The following MYO1D variants were observed in gnomAD, a reference collection of about 807,000 sequenced individuals.
The protein encoded by MYO1D is unconventional myosin-Id.
In MYO1D, 83 loss-of-function variants were observed where a neutral mutation model predicts 122.0. The observed-to-expected ratio is 0.68, with a 90% CI of 0.57 to 0.82. The LOEUF (loss-of-function observed/expected upper bound fraction) is 0.82. Ranked by LOEUF, MYO1D falls within the 40% of genes least tolerant of loss-of-function variation. The pLI, the probability that MYO1D is intolerant of heterozygous loss-of-function variation, is 0.00. For synonymous variants in MYO1D, 464 were observed against 446.9 expected (o/e 1.04, Z -0.48); for missense variants, 1,157 against 1,269.5 (o/e 0.91, Z 1.35).
chr17:32,810,336 G>A (rs1387518813), intron 1 of MYO1D, among the ~76,000 whole-genome samples: 2 of 152,172 alleles, frequency 1.3e-5, no homozygotes, highest in Non-Finnish European at 2.9e-5. Flanking sequence ...CTCAGAAAAG[G>A]TACAGATGGT....
chr17:32,556,007 C>CTTA lies in MYO1D; in HGVS notation c.2864+49077_2864+49079dup, dbSNP rs141343328. Among the ~76,000 whole-genome samples, 1,053 of 152,286 alleles carry CTTA rather than the reference C, an allele frequency of 6.9e-3. 12 individuals are homozygous for CTTA. The highest frequency in any genetic ancestry group is 0.024 in the African/African-American group (998 of 41,552). On this transcript the variant is annotated intron_variant, in intron 21 of 21. Coordinates refer to ENST00000318217, the MANE Select transcript of MYO1D (RefSeq NM_015194.3). ...GAGCCCTGCTTATTCCTCCTTAGCACTTATCATATCGAATTATTTTTACTC... is the reference window on the plus strand; with the variant it reads ...GAGCCCTGCTTATTCCTCCTTAGCACTTATTATCATATCGAATTATTTTTACTC...
chr17:32,596,266 A>C (rs919866701), intron 21 of MYO1D, among the ~76,000 whole-genome samples: 4 of 152,248 alleles, frequency 2.6e-5, no homozygotes, highest in African/African-American at 9.6e-5. Flanking sequence ...CAAAGAGAGC[A>C]GTCTGGGAAC....
intron 21 of MYO1D, chr17:32,497,800 A>T (rs935656601): frequency 6.6e-6 from 1 of 152,366 alleles, no homozygotes; most frequent in African/African-American, 2.4e-5. Flanking sequence ...GAATAGCAAG[A>T]AGGAAGGCAG....
intron 21 of MYO1D, among the ~76,000 whole-genome samples, chr17:32,539,549 C>T (rs1200489820): frequency 6.6e-6 from 1 of 152,138 alleles, no homozygotes; most frequent in Non-Finnish European, 1.5e-5. Flanking sequence ...TCTCTTCCAG[C>T]TTCGGGTGGC....
chr17:32,736,320 T>C (rs2089700455), intron 14 of MYO1D, among the ~76,000 whole-genome samples: 1 of 152,178 alleles, frequency 6.6e-6, no homozygotes, highest in Admixed American at 6.5e-5. Flanking sequence ...AGAATGAAAA[T>C]GTCCTTCCCA....
At chr17:32,724,281 T>C (rs946164229) in intron 14 of MYO1D, among the ~76,000 whole-genome samples, 1 of 152,144 alleles carries the variant, frequency 6.6e-6, no homozygotes, top group Non-Finnish European at 1.5e-5. Context: ...AGAATAAGCA[T>C]TGTACAAAAT....
chr17:32,537,918 C>G (rs889983057), intron 21 of MYO1D, among the ~76,000 whole-genome samples: 6 of 152,150 alleles, frequency 3.9e-5, no homozygotes, highest in Non-Finnish European at 8.8e-5. Flanking sequence ...AGGAGAAAAT[C>G]TGGGCCACTT....
chr17:32,814,055 A>T (rs2090594026), intron 1 of MYO1D, among the ~76,000 whole-genome samples: 1 of 152,196 alleles, frequency 6.6e-6, no homozygotes, highest in Non-Finnish European at 1.5e-5. Context: ...CCATCTAAAA[A>T]ACACTTCTTG....
At chr17:32,496,679 G>A (rs576194040) in intron 21 of MYO1D, among the ~76,000 whole-genome samples, 2 of 152,106 alleles carry the variant, frequency 1.3e-5, no homozygotes, top group East Asian at 1.9e-4. Flanking sequence ...CTGGTATGGC[G>A]TTGGGTCCCT....
chr17:32,508,488 C>CCA (rs1290807755), intron 21 of MYO1D, among the ~76,000 whole-genome samples: 1 of 152,014 alleles, frequency 6.6e-6, no homozygotes, highest in Non-Finnish European at 1.5e-5. Context: ...GTTGGCCAGG[C>CCA]TGCTCTTGAA....
At chr17:32,622,112 A>C (rs920612258) in intron 20 of MYO1D, among the ~76,000 whole-genome samples, 1 of 152,070 alleles carries the variant, frequency 6.6e-6, no homozygotes, top group African/African-American at 2.4e-5. Context: ...AATGAAGCCC[A>C]TTTGAGACTG....
intron 16 of MYO1D, among the ~76,000 whole-genome samples, chr17:32,668,819 A>C (rs2088670842): frequency 6.6e-6 from 1 of 151,326 alleles, no homozygotes; most frequent in Admixed American, 6.6e-5. Flanking sequence ...CTCTTGCCTC[A>C]GCCTCCTGAG....
At chr17:32,709,141 A>G (rs751081823) in intron 16 of MYO1D, among the ~76,000 whole-genome samples, 13 of 152,210 alleles carry the variant, frequency 8.5e-5, no homozygotes, top group Non-Finnish European at 1.6e-4. Flanking sequence ...TCTACCGGGC[A>G]CCATGTAGAA....
intron 16 of MYO1D, among the ~76,000 whole-genome samples, chr17:32,707,487 C>T (rs564045328): frequency 5.3e-5 from 8 of 152,172 alleles, no homozygotes; most frequent in African/African-American, 1.4e-4. Flanking sequence ...GGGAATTCAG[C>T]GCATAGAAAT....
intron 1 of MYO1D, among the ~76,000 whole-genome samples, chr17:32,870,432 C>T (rs1268738224): frequency 6.6e-6 from 1 of 151,886 alleles, no homozygotes; most frequent in African/African-American, 2.4e-5. Context: ...CACCCTTTGT[C>T]CCACCAAATT....
intron 19 of MYO1D, among the ~76,000 whole-genome samples, chr17:32,639,152 A>AAAATCATATAT (rs2088151562): frequency 6.6e-6 from 1 of 152,186 alleles, no homozygotes; most frequent in Non-Finnish European, 1.5e-5. Flanking sequence ...CTAAAAAGGG[A>AAAATCATATAT]CTTGTATCTG....
intron 20 of MYO1D, among the ~76,000 whole-genome samples, chr17:32,622,206 G>C (rs2087862496): frequency 6.6e-6 from 1 of 152,060 alleles, no homozygotes; most frequent in Admixed American, 6.6e-5. Context: ...AAAGCCTGTT[G>C]TTCTCGCACA....
intron 21 of MYO1D, among the ~76,000 whole-genome samples, chr17:32,577,567 A>G (rs2087290116): frequency 6.6e-6 from 1 of 152,156 alleles, no homozygotes; most frequent in South Asian, 2.1e-4. Context: ...TGCTCTTCTG[A>G]ACAGATGGCT....
At chr17:32,600,953 C>CTTTTTT (rs59778193) in intron 21 of MYO1D, among the ~76,000 whole-genome samples, 1 of 141,644 alleles carries the variant, frequency 7.1e-6, no homozygotes, top group Non-Finnish European at 1.5e-5. Context: ...TTTCTTTTCC[C>CTTTTTT]TTTTTTTTTT....
Sources: gnomAD v4.1 joint callset for allele counts (sites outside exome capture counted in the v4.1 genomes callset) on GRCh38, gnomAD v4.1.1 for gene constraint, MANE v1.5 for transcripts, NCBI Gene and HGNC (gene_info 2026-07-23, HGNC 2026-07-21) for gene names.